FAM216A: variants seen among roughly 807,000 people sequenced by gnomAD.
FAM216A encodes family with sequence similarity 216 member A.
A neutral mutation model predicts 37.6 loss-of-function variants in FAM216A; 26 were observed. The ratio of observed to expected loss-of-function variants is 0.69; its 90% confidence interval spans 0.51 to 0.96. The LOEUF (loss-of-function observed/expected upper bound fraction) is 0.96, where lower values mean the gene tolerates loss of function less well. Among genes scored for constraint, FAM216A ranks in the 40% least tolerant of loss-of-function variants. The pLI is 0.00. For synonymous variants in FAM216A, 110 were observed against 121.7 expected (o/e 0.90, Z 0.64); for missense variants, 326 against 339.3 (o/e 0.96, Z 0.31).
intron 2 of FAM216A, among the ~76,000 whole-genome samples, chr12:110,480,191 T>A (rs2062738442): frequency 9.8e-6 from 1 of 102,106 alleles, no homozygotes; most frequent in Non-Finnish European, 1.9e-5. Flanking sequence ...CACGCCTAGC[T>A]AATTTTTTTT....
intron 1 of FAM216A, among the ~76,000 whole-genome samples, chr12:110,470,045 T>C (rs1405668116): frequency 1.3e-5 from 2 of 152,210 alleles, no homozygotes; most frequent in African/African-American, 4.8e-5. Flanking sequence ...TGCGATATGT[T>C]TGCCGTTCAG....
At chr12:110,470,756 CCTTTT>C (rs768035592) in intron 1 of FAM216A, among the ~76,000 whole-genome samples, 3 of 152,028 alleles carry the variant, frequency 2.0e-5, no homozygotes, top group Non-Finnish European at 4.4e-5. Flanking sequence ...TTTGTCCTTT[CCTTTT>C]ATCTCCGCCT....
At chr12:110,472,852 G>A (rs1227635892) in intron 1 of FAM216A, among the ~76,000 whole-genome samples, 5 of 150,720 alleles carry the variant, frequency 3.3e-5, no homozygotes, top group Non-Finnish European at 5.9e-5. Context: ...GTGTAGCAGC[G>A]CTAGTCCCAG....
At chr12:110,472,927 G>C (rs1437021907) in intron 1 of FAM216A, 151 bp from the exon 2 acceptor site, 1 of 298,390 alleles carries the variant, frequency 3.4e-6, no homozygotes, top group Non-Finnish European at 6.1e-6. Context: ...AATGACCTGA[G>C]ATCATGCCAC....
intron 6 of FAM216A, 32 bp downstream of exon 6, chr12:110,487,975 T>TTAAGCA: frequency 2.3e-6 from 3 of 1,291,128 alleles, no homozygotes; most frequent in Non-Finnish European, 2.2e-6. Flanking sequence ...TATTCATTTT[T>TTAAGCA]TAAGATCTTA....
intron 2 of FAM216A, among the ~76,000 whole-genome samples, chr12:110,480,645 C>T (rs1472430524): frequency 1.3e-5 from 2 of 152,018 alleles, no homozygotes; most frequent in Non-Finnish European, 2.9e-5. Context: ...GTGTACATTT[C>T]AGTGGCATTA....
upstream of FAM216A, chr12:110,468,820 C>T (rs2062657896): frequency 6.8e-7 from 1 of 1,461,536 alleles, no homozygotes. Context: ...AGCCAGCATC[C>T]GAGCCGCCTC....
At chr12:110,472,399 A>G (rs1228702399) in intron 1 of FAM216A, among the ~76,000 whole-genome samples, 1 of 151,816 alleles carries the variant, frequency 6.6e-6, no homozygotes, top group Non-Finnish European at 1.5e-5. Context: ...GACCCAGGAT[A>G]GGCATGGTGG....
At chr12:110,469,631 T>C (rs1035921003) in intron 1 of FAM216A, among the ~76,000 whole-genome samples, 1 of 152,012 alleles carries the variant, frequency 6.6e-6, no homozygotes, top group Admixed American at 6.6e-5. Context: ...TGCCTCAGCC[T>C]CCCGAGTAGC....
chr12:110,472,487 AT>A (rs1470851118), intron 1 of FAM216A, among the ~76,000 whole-genome samples: 1 of 151,886 alleles, frequency 6.6e-6, no homozygotes, highest in African/African-American at 2.4e-5. Context: ...TGAGCCCAGG[AT>A]TTTGAGGCTG....
chr12:110,482,249 C>G (rs752555716), intron 2 of FAM216A, among the ~76,000 whole-genome samples: 1 of 151,830 alleles, frequency 6.6e-6, no homozygotes, highest in African/African-American at 2.4e-5. Context: ...ACCTGGCTAA[C>G]TTTTATATAT....
intron 1 of FAM216A, among the ~76,000 whole-genome samples, chr12:110,470,459 A>G (rs2062678766): frequency 6.8e-6 from 1 of 147,624 alleles, no homozygotes; most frequent in East Asian, 2.0e-4. Context: ...ATCCTGGTGT[A>G]TCAGGAGATA....
intron 6 of FAM216A, among the ~76,000 whole-genome samples, chr12:110,488,508 C>CAAG (rs1207320818): frequency 6.6e-6 from 1 of 151,838 alleles, no homozygotes; most frequent in Non-Finnish European, 1.5e-5. Context: ...CTTACAATAT[C>CAAG]AAGGTCAAAG....
At position 110,477,008 on chromosome 12, in the gene FAM216A, A is replaced by C. The variant is rs868422123; in HGVS notation, c.184+3890A>C. On this transcript the variant is annotated intron_variant, in intron 2 of 6. Transcript: ENST00000377673. ...GTAGTTGGGACTACAGGTGTGAGCC[A>C]CTACATCTGGCCCAGGCCTGTTCTT... Among the ~76,000 whole-genome samples the C allele has an allele frequency of 2.0e-5, 3 of 152,322 alleles. No homozygotes were observed. In the Middle Eastern group the frequency reaches 0.01, roughly 518 times the overall value.
At position 110,486,648 on chromosome 12, in the gene FAM216A, T is replaced by C. The variant is rs2062778593; in HGVS notation, c.551T>C (p.Ile184Thr). Residue 184 changes from isoleucine to threonine, a missense_variant, in exon 5 of 7, where the codon ATC becomes ACC. Ile to Thr is a moderately conservative substitution (Grantham distance 89). Coordinates refer to ENST00000377673, the MANE Select transcript of FAM216A (RefSeq NM_013300.3). Reference sequence around the variant, plus strand: ...AGAGAGGACTCGGGGTCTTCTGATATCGCAGCTGCATCTGCACCTGAAATG... The same window carrying C: ...AGAGAGGACTCGGGGTCTTCTGATACCGCAGCTGCATCTGCACCTGAAATG... The part of the protein sequence containing the change: ...LEREDSGSSD[I>T]AAASAPEMLI... The C allele has an allele frequency of 6.2e-7, 1 of 1,614,174 alleles. No individual in the cohort carries two copies. The highest frequency in any genetic ancestry group is 2.2e-5 in the East Asian group (1 of 44,888).
chr12:110,486,436 C>T lies in FAM216A; in HGVS notation c.418C>T (p.His140Tyr), dbSNP rs758845107. The T allele has an allele frequency of 6.2e-7, 1 of 1,612,674 alleles. No homozygotes were observed. Among genetic ancestry groups the T allele is most frequent in the Admixed American group, 1.7e-5 (1 of 59,784 alleles). The change falls in exon 4 of 7, where the codon CAC becomes TAC. Residue 140 changes from histidine to tyrosine, a missense_variant. Transcript: ENST00000377673. ...GAGGCAGTACATGCACGTACTTCAG[C>T]ACAGCTCACAAAAGCCAGGCAGGTG... ...MKRQYMHVLQ[H>Y]SSQKPGVLTH...
intron 2 of FAM216A, among the ~76,000 whole-genome samples, chr12:110,483,928 A>C (rs551710882): frequency 2.8e-4 from 42 of 152,242 alleles, no homozygotes; most frequent in African/African-American, 9.6e-4. Flanking sequence ...AAAGGGATAA[A>C]ATTTGTGTTA....
intron 2 of FAM216A, among the ~76,000 whole-genome samples, chr12:110,483,765 C>T (rs2062761196): frequency 6.6e-6 from 1 of 152,178 alleles, no homozygotes; most frequent in Non-Finnish European, 1.5e-5. Context: ...TTGCAGTGAG[C>T]TGAGATTGTG....
intron 1 of FAM216A, among the ~76,000 whole-genome samples, chr12:110,469,431 C>G (rs2062665963): frequency 6.6e-6 from 1 of 152,202 alleles, no homozygotes; most frequent in African/African-American, 2.4e-5. Flanking sequence ...CATCCAGGCC[C>G]ATAAACCAGT....
Sources: gnomAD v4.1 joint callset for allele counts (sites outside exome capture counted in the v4.1 genomes callset) on GRCh38, gnomAD v4.1.1 for gene constraint, MANE v1.5 for transcripts, NCBI Gene and HGNC (gene_info 2026-07-23, HGNC 2026-07-21) for gene names.